The following MGAT4C variants were observed in gnomAD, a reference collection of about 807,000 sequenced individuals.
The protein encoded by MGAT4C is MGAT4 family member C, also known as alpha-1,3-mannosyl-glycoprotein 4-beta-N-acetylglucosaminyltransferase C.
MGAT4C carries 19 observed loss-of-function variants against 40.1 expected under a neutral mutation model. The observed-to-expected ratio is 0.47, with a 90% CI of 0.33 to 0.70. The LOEUF (loss-of-function observed/expected upper bound fraction) is 0.70, where lower values mean the gene tolerates loss of function less well. MGAT4C is among the 30% of genes least tolerant of loss of function. The pLI, the probability that MGAT4C is intolerant of heterozygous loss-of-function variation, is 0.02. For missense variants in MGAT4C, 491 were observed against 563.2 expected, an observed-to-expected ratio of 0.87 and a Z score of 1.30; for synonymous variants, 181 against 187.1, an observed-to-expected ratio of 0.97 and a Z score of 0.27.
intron 2 of MGAT4C, among the ~76,000 whole-genome samples, chr12:86,588,574 C>G (rs1018770401): frequency 3.3e-5 from 5 of 152,030 alleles, no homozygotes; most frequent in Non-Finnish European, 5.9e-5. Context: ...CTACAGAACT[C>G]TCCACCCCAA....
intron 1 of MGAT4C, among the ~76,000 whole-genome samples, chr12:86,823,381 A>C (rs1593240569): frequency 6.6e-6 from 1 of 151,268 alleles, no homozygotes. Flanking sequence ...ACTTAGATTT[A>C]AAAAGATTTG....
chr12:86,372,457 T>A (rs982419782), intron 3 of MGAT4C, among the ~76,000 whole-genome samples: 8 of 151,962 alleles, frequency 5.3e-5, no homozygotes, highest in African/African-American at 1.9e-4. Flanking sequence ...ACATATTTTA[T>A]ACAAGGTACA....
chr12:85,963,049 T>G lies in MGAT4C; in HGVS notation c.*16240A>C, dbSNP rs543166797. The G allele has an allele frequency of 6.6e-6, 1 of 152,056 alleles. No homozygotes were observed. The highest frequency in any genetic ancestry group is 6.5e-5 in the Admixed American group (1 of 15,268). The allele number at this position is 152,056 out of a possible 1,614,324, so 9.4% of individuals were successfully genotyped here. On this transcript the variant is annotated 3_prime_UTR_variant, in exon 5 of 5. Transcript: ENST00000611864. ...TAATTAATATAAACAATAAATTCAC[T>G]TAAACAACTATTTACATGCAAAAGT... is the stretch of plus-strand genomic sequence containing the variant.
chr12:86,691,044 G>A (rs777247599), intron 2 of MGAT4C, among the ~76,000 whole-genome samples: 6 of 152,112 alleles, frequency 3.9e-5, no homozygotes, highest in Non-Finnish European at 8.8e-5. Flanking sequence ...TGGAATAAAT[G>A]GCACGATAGT....
At chr12:86,542,093 T>C (rs1400417879) in intron 2 of MGAT4C, among the ~76,000 whole-genome samples, 1 of 152,176 alleles carries the variant, frequency 6.6e-6, no homozygotes, top group African/African-American at 2.4e-5. Flanking sequence ...GAAGCACCAG[T>C]AACACCTGAA....
intron 1 of MGAT4C, among the ~76,000 whole-genome samples, chr12:86,248,198 C>T (rs150287672): frequency 2.0e-5 from 1 of 48,914 alleles, no homozygotes; most frequent in Non-Finnish European, 5.5e-5. Context: ...AGTTTCTCTT[C>T]CTTCCTTCCT....
At chr12:86,339,647 T>G (rs978711136) in intron 3 of MGAT4C, among the ~76,000 whole-genome samples, 2 of 152,260 alleles carry the variant, frequency 1.3e-5, no homozygotes, top group Admixed American at 1.3e-4. Context: ...ACACTTACAT[T>G]ATTTATATGA....
intron 2 of MGAT4C, among the ~76,000 whole-genome samples, chr12:86,021,737 A>G (rs1592708509): frequency 6.6e-6 from 1 of 152,186 alleles, no homozygotes; most frequent in Non-Finnish European, 1.5e-5. Context: ...TTAGAGTATA[A>G]TAATAATAAA....
chr12:86,790,091 T>C (rs1951997707), intron 1 of MGAT4C, among the ~76,000 whole-genome samples: 1 of 151,964 alleles, frequency 6.6e-6, no homozygotes, highest in Non-Finnish European at 1.5e-5. Context: ...AAATGCAGAG[T>C]GCTTTTCTCC....
rs576421734 is a variant in MGAT4C, at chr12:86,328,643, C to T, written c.-57+5422G>A. Among the ~76,000 whole-genome samples the T allele has an allele frequency of 5.9e-5, 9 of 152,092 alleles. No homozygotes were observed. In the South Asian group the frequency reaches 1.9e-3, roughly 32 times the overall value. On this transcript the variant is annotated intron_variant, in intron 4 of 7. Coordinates refer to the MGAT4C transcript ENST00000548651. ...ATATTATGAAGACTACAAATTGCTTCAACGAGAAATAATATAAGACAAATT... is the reference window on the plus strand; with the variant it reads ...ATATTATGAAGACTACAAATTGCTTTAACGAGAAATAATATAAGACAAATT...
chr12:86,568,597 T>G (rs2136418793), intron 2 of MGAT4C, among the ~76,000 whole-genome samples: 1 of 150,222 alleles, frequency 6.7e-6, no homozygotes. Context: ...TAGAGAACCC[T>G]AATACAGACT....
At chr12:86,314,650 T>C (rs988109847) in intron 4 of MGAT4C, among the ~76,000 whole-genome samples, 1 of 152,196 alleles carries the variant, frequency 6.6e-6, no homozygotes, top group African/African-American at 2.4e-5. Flanking sequence ...CAATAATCAG[T>C]AGCATTTCAG....
At chr12:86,426,516 G>A (rs1390555353) in intron 3 of MGAT4C, among the ~76,000 whole-genome samples, 2 of 152,190 alleles carry the variant, frequency 1.3e-5, no homozygotes, top group African/African-American at 2.4e-5. Context: ...GCTTAGGGAT[G>A]TCAGGCAACT....
Position 86,526,661 on chromosome 12 carries a change from T to G in MGAT4C, c.-228-91396A>C, listed in dbSNP as rs1159057952. On this transcript the variant is annotated intron_variant, in intron 2 of 7. Transcript: ENST00000548651. ...ACCTCACCTATGGGCAAGAATGCCC[T>G]GCAGAGTTCAGGTCTGACAGTTTCC... Among the ~76,000 whole-genome samples, 3 of 152,172 alleles carry G rather than the reference T, an allele frequency of 2.0e-5. No homozygotes were observed. The East Asian group carries it at 5.8e-4, about 29-fold the overall frequency.
At chr12:86,644,889 GAACATAGGAACTTCT>G (rs1433092104) in intron 2 of MGAT4C, among the ~76,000 whole-genome samples, 1 of 151,694 alleles carries the variant, frequency 6.6e-6, no homozygotes, top group Non-Finnish European at 1.5e-5. Flanking sequence ...TACTAGAAGA[GAACATAGGAACTTCT>G]AACATGCTGG....
intron 3 of MGAT4C, among the ~76,000 whole-genome samples, chr12:86,420,290 G>C (rs1451506969): frequency 6.6e-6 from 1 of 152,030 alleles, no homozygotes; most frequent in Non-Finnish European, 1.5e-5. Flanking sequence ...GCGGGAGTGG[G>C]AGGATCACTT....
chr12:86,328,352 T>G (rs1954575988), intron 4 of MGAT4C, among the ~76,000 whole-genome samples: 1 of 151,936 alleles, frequency 6.6e-6, no homozygotes, highest in African/African-American at 2.4e-5. Flanking sequence ...AAGAAAGAAA[T>G]AAAAATGCAA....
chr12:86,763,113 T>C (rs1173951707), intron 1 of MGAT4C, among the ~76,000 whole-genome samples: 2 of 152,222 alleles, frequency 1.3e-5, no homozygotes, highest in African/African-American at 4.8e-5. Flanking sequence ...CAAGTTCATG[T>C]TCCTGTTTTA....
At chr12:86,316,212 A>G (rs1169810341) in intron 4 of MGAT4C, among the ~76,000 whole-genome samples, 1 of 152,152 alleles carries the variant, frequency 6.6e-6, no homozygotes, top group Admixed American at 6.5e-5. Context: ...AATGTCAAAG[A>G]AACAGCAATG....
Sources: allele counts gnomAD v4.1 joint callset (sites outside exome capture counted in the v4.1 genomes callset), GRCh38; gene constraint gnomAD v4.1.1; transcripts MANE v1.5; gene names NCBI Gene and HGNC (gene_info 2026-07-23, HGNC 2026-07-21).